The following HPSE2 variants were observed in gnomAD, a reference collection of about 807,000 sequenced individuals.
HPSE2 encodes the protein inactive heparanase-2.
Under a neutral mutation model 60.5 loss-of-function variants are expected in HPSE2, and 38 were observed. The ratio of observed to expected loss-of-function variants is 0.63; its 90% CI spans 0.48 to 0.82. HPSE2 has a LOEUF of 0.82. HPSE2 is among the 40% of genes least tolerant of loss of function. The pLI, the probability that HPSE2 is intolerant of heterozygous loss-of-function variation, is 0.00. For synonymous variants in HPSE2, 295 were observed against 293.2 expected, an observed-to-expected ratio of 1.01 and a Z score of -0.06; for missense variants, 713 against 740.4, an observed-to-expected ratio of 0.96 and a Z score of 0.43.
Position 99,169,504 on chromosome 10 carries a change from CAAAAAAAAAAAAAAAAAAAAAAAAAA to C in HPSE2, c.449-25131_449-25106del, listed in dbSNP as rs562946052. Among the ~76,000 whole-genome samples the C allele has an allele frequency of 4.2e-3, 229 of 54,712 alleles. 1 individual carries two copies. The highest frequency in any genetic ancestry group is 0.011 in the African/African-American group (184 of 16,334). The allele number at this position is 54,712 out of a possible 152,430, so 35.9% of individuals were successfully genotyped here. A position where few individuals can be genotyped will look rare whatever the true frequency, so the allele number is the denominator to read the frequency against. ...TGGGTGACAGAGCAAGACTCCGTCT[CAAAAAAAAAAAAAAAAAAAAAAAAAA>C]AAAAAAAAAAAAAAAAAAAGTCCTG... On this transcript the variant is annotated intron_variant, in intron 2 of 11. Transcript: ENST00000370552.
At chr10:98,930,634 G>T (rs919570132) in intron 3 of HPSE2, among the ~76,000 whole-genome samples, 1 of 144,478 alleles carries the variant, frequency 6.9e-6, no homozygotes, top group Non-Finnish European at 1.5e-5. Context: ...TCTCCACAAT[G>T]TCACCAGCAT....
At chr10:98,777,064 A>G (rs971899782) in intron 3 of HPSE2, among the ~76,000 whole-genome samples, 1 of 152,226 alleles carries the variant, frequency 6.6e-6, no homozygotes, top group African/African-American at 2.4e-5. Flanking sequence ...AGTTAAGAAG[A>G]AAAAATAAGA....
chr10:98,977,812 A>G (rs766979719), intron 3 of HPSE2, among the ~76,000 whole-genome samples: 7 of 151,822 alleles, frequency 4.6e-5, no homozygotes, highest in Non-Finnish European at 8.8e-5. Context: ...CTTTTTATAA[A>G]ATGCTTAGAA....
intron 3 of HPSE2, chr10:99,013,989 C>T (rs1054571845): frequency 3.9e-5 from 14 of 354,828 alleles, no homozygotes; most frequent in South Asian, 1.6e-4. Flanking sequence ...ACACCCAGAC[C>T]GCCTGGCCTC....
intron 3 of HPSE2, among the ~76,000 whole-genome samples, chr10:99,058,065 C>T (rs931430203): frequency 6.6e-6 from 1 of 152,152 alleles, no homozygotes; most frequent in Non-Finnish European, 1.5e-5. Context: ...TCAGACAAGG[C>T]AAAGAGAAGC....
intron 6 of HPSE2, among the ~76,000 whole-genome samples, chr10:98,647,611 C>T (rs542894160): frequency 6.6e-6 from 1 of 152,272 alleles, no homozygotes; most frequent in South Asian, 2.1e-4. Context: ...ACCTATAAAA[C>T]CTATTCTGCC....
chr10:98,690,984 C>G (rs1372951998), intron 6 of HPSE2, among the ~76,000 whole-genome samples: 2 of 152,214 alleles, frequency 1.3e-5, no homozygotes, highest in Non-Finnish European at 2.9e-5. Context: ...ATTGATTCTT[C>G]TGGCCATCCA....
chr10:99,068,130 C>T (rs762542332), intron 3 of HPSE2, among the ~76,000 whole-genome samples: 47 of 152,276 alleles, frequency 3.1e-4, no homozygotes, highest in Non-Finnish European at 6.5e-4. Flanking sequence ...GCATTTTGCT[C>T]AAAGCCATTC....
At chr10:99,208,305 C>T (rs936309973) in intron 2 of HPSE2, among the ~76,000 whole-genome samples, 6 of 151,920 alleles carry the variant, frequency 3.9e-5, no homozygotes, top group African/African-American at 1.5e-4. Flanking sequence ...ACAAAACTAC[C>T]AGAAAACATT....
At chr10:99,011,754 CAAAA>C in intron 3 of HPSE2, among the ~76,000 whole-genome samples, 1 of 93,094 alleles carries the variant, frequency 1.1e-5, no homozygotes, top group South Asian at 4.2e-4. Flanking sequence ...GACTCCATCT[CAAAA>C]AAAAAAAAAA....
intron 3 of HPSE2, among the ~76,000 whole-genome samples, chr10:98,830,209 T>C (rs1364995615): frequency 2.6e-5 from 4 of 152,202 alleles, no homozygotes; most frequent in Admixed American, 2.6e-4. Context: ...ATGAGGCATA[T>C]GCAGTCCCTG....
At chr10:98,946,895 A>T (rs1414566278) in intron 3 of HPSE2, among the ~76,000 whole-genome samples, 1 of 152,044 alleles carries the variant, frequency 6.6e-6, no homozygotes, top group Non-Finnish European at 1.5e-5. Flanking sequence ...TCACGTGAGC[A>T]ATTTGTCTCT....
intron 3 of HPSE2, among the ~76,000 whole-genome samples, chr10:99,081,952 C>T (rs1843160005): frequency 6.6e-6 from 1 of 152,156 alleles, no homozygotes; most frequent in Non-Finnish European, 1.5e-5. Context: ...GATACAATTT[C>T]TTAAAGCTAC....
At chr10:99,060,051 C>A (rs1958200723) in intron 3 of HPSE2, among the ~76,000 whole-genome samples, 1 of 151,886 alleles carries the variant, frequency 6.6e-6, no homozygotes, top group Non-Finnish European at 1.5e-5. Context: ...TCCCCACACA[C>A]ACACACACAC....
chr10:99,137,656 T>C (rs1321855214), intron 3 of HPSE2, among the ~76,000 whole-genome samples: 1 of 152,158 alleles, frequency 6.6e-6, no homozygotes, highest in African/African-American at 2.4e-5. Flanking sequence ...AGATTCCCTA[T>C]TTAATAAATG....
chr10:98,721,887 T>C, intron 4 of HPSE2, 59 bp from the exon 5 acceptor site: 1 of 1,355,396 alleles, frequency 7.4e-7, no homozygotes, highest in Non-Finnish European at 1.1e-6. Flanking sequence ...GCCAACACTT[T>C]CCTGTCCACA....
At chr10:98,558,426 C>T (rs772928678) in intron 9 of HPSE2, among the ~76,000 whole-genome samples, 1 of 152,178 alleles carries the variant, frequency 6.6e-6, no homozygotes, top group Non-Finnish European at 1.5e-5. Context: ...TACCATCCCA[C>T]AATGAGAATG....
At chr10:99,063,517 T>A (rs778126212) in intron 3 of HPSE2, among the ~76,000 whole-genome samples, 1 of 152,194 alleles carries the variant, frequency 6.6e-6, no homozygotes, top group Non-Finnish European at 1.5e-5. Context: ...ACATTCACAG[T>A]TGAAAAGAGT....
At chr10:99,203,498 G>A (rs1589816563) in intron 2 of HPSE2, among the ~76,000 whole-genome samples, 1 of 151,434 alleles carries the variant, frequency 6.6e-6, no homozygotes, top group South Asian at 2.1e-4. Flanking sequence ...CTCCAGGCCC[G>A]CCCAGTGCCA....
Sources: gnomAD v4.1 joint callset for allele counts (sites outside exome capture counted in the v4.1 genomes callset) on GRCh38, gnomAD v4.1.1 for gene constraint, MANE v1.5 for transcripts, NCBI Gene and HGNC (gene_info 2026-07-23, HGNC 2026-07-21) for gene names.